CHCHD6: variants seen among roughly 807,000 people sequenced by gnomAD.
CHCHD6 encodes the protein MICOS complex subunit MIC25.
CHCHD6 carries 28 observed loss-of-function variants against 32.3 expected under a neutral mutation model. The ratio of observed to expected loss-of-function variants is 0.87; its 90% CI spans 0.64 to 1.19. The LOEUF is 1.19. CHCHD6 is among the 50% of genes most tolerant of loss of function. CHCHD6 has a pLI of 0.00. For missense variants in CHCHD6, 333 were observed against 307.0 expected (o/e 1.08, Z -0.63); for synonymous variants, 122 against 117.5 (o/e 1.04, Z -0.25).
intron 4 of CHCHD6, among the ~76,000 whole-genome samples, chr3:126,770,085 A>G (rs1373401870): frequency 6.6e-6 from 1 of 151,916 alleles, no homozygotes; most frequent in Non-Finnish European, 1.5e-5. Context: ...ATTCTAAGGT[A>G]TTTTATTCTT....
chr3:126,817,648 TCTCC>T (rs760434028), intron 4 of CHCHD6, among the ~76,000 whole-genome samples: 1 of 152,182 alleles, frequency 6.6e-6, no homozygotes, highest in East Asian at 1.9e-4. Flanking sequence ...TTGTTTTCAC[TCTCC>T]CTCTGCTGAA....
intron 5 of CHCHD6, among the ~76,000 whole-genome samples, chr3:126,891,013 G>A (rs760293534): frequency 8.5e-5 from 13 of 152,212 alleles, no homozygotes; most frequent in Non-Finnish European, 1.3e-4. Context: ...AGGGTGGATT[G>A]GGATGGGGTG....
chr3:126,777,141 ACC>A (rs1937685499), intron 4 of CHCHD6, among the ~76,000 whole-genome samples: 1 of 151,782 alleles, frequency 6.6e-6, no homozygotes, highest in Non-Finnish European at 1.5e-5. Flanking sequence ...CTCCCTTGAA[ACC>A]CATAGCATTT....
chr3:126,775,788 A>T (rs1267690314), intron 4 of CHCHD6, among the ~76,000 whole-genome samples: 1 of 152,156 alleles, frequency 6.6e-6, no homozygotes, highest in Admixed American at 6.5e-5. Context: ...TTTTGGAAAA[A>T]CTGCAGGCTC....
At chr3:126,791,390 C>G (rs1938533091) in intron 4 of CHCHD6, among the ~76,000 whole-genome samples, 1 of 152,250 alleles carries the variant, frequency 6.6e-6, no homozygotes, top group African/African-American at 2.4e-5. Flanking sequence ...TTTTCTGCTG[C>G]CTTTTGTTCG....
At chr3:126,876,070 TTGTC>T (rs1038704050) in intron 5 of CHCHD6, among the ~76,000 whole-genome samples, 2 of 152,230 alleles carry the variant, frequency 1.3e-5, no homozygotes, top group African/African-American at 2.4e-5. Flanking sequence ...GCCAGTGACT[TTGTC>T]TGGCCTAGAA....
intron 4 of CHCHD6, among the ~76,000 whole-genome samples, chr3:126,736,115 C>T (rs1576354244): frequency 6.6e-6 from 1 of 152,180 alleles, no homozygotes; most frequent in East Asian, 1.9e-4. Context: ...GGAGGTAAAA[C>T]TGTATTTTCA....
chr3:126,714,426 G>A (rs370164890), intron 1 of CHCHD6, among the ~76,000 whole-genome samples: 2 of 152,180 alleles, frequency 1.3e-5, no homozygotes, highest in Admixed American at 6.5e-5. Flanking sequence ...GTGAGCAGCC[G>A]GTGCATCTAA....
intron 6 of CHCHD6, among the ~76,000 whole-genome samples, chr3:126,931,483 T>G (rs1377215114): frequency 6.6e-6 from 1 of 152,146 alleles, no homozygotes; most frequent in African/African-American, 2.4e-5. Flanking sequence ...GTTATGGCCC[T>G]GTTTACACGG....
chr3:126,804,680 T>C (rs1237291948), intron 4 of CHCHD6, among the ~76,000 whole-genome samples: 1 of 152,156 alleles, frequency 6.6e-6, no homozygotes, highest in Non-Finnish European at 1.5e-5. Context: ...AAAGAGGGAA[T>C]TCTCCCTAAT....
chr3:126,784,327 A>G (rs1483905227), intron 4 of CHCHD6, among the ~76,000 whole-genome samples: 2 of 152,126 alleles, frequency 1.3e-5, no homozygotes, highest in African/African-American at 4.8e-5. Context: ...CTTTCAATGC[A>G]TTCTGAAAAC....
At chr3:126,916,545 A>G (rs1354663079) in intron 6 of CHCHD6, among the ~76,000 whole-genome samples, 1 of 152,192 alleles carries the variant, frequency 6.6e-6, no homozygotes, top group Admixed American at 6.5e-5. Flanking sequence ...TGCTGATGCT[A>G]GGACCCCACA....
chr3:126,739,450 C>G (rs1936196468), intron 4 of CHCHD6, among the ~76,000 whole-genome samples: 1 of 152,142 alleles, frequency 6.6e-6, no homozygotes, highest in Non-Finnish European at 1.5e-5. Flanking sequence ...GGCAAAAAAC[C>G]TCTCCTGGAC....
At chr3:126,863,284 A>G (rs1269921209) in intron 5 of CHCHD6, among the ~76,000 whole-genome samples, 1 of 113,826 alleles carries the variant, frequency 8.8e-6, no homozygotes, top group Non-Finnish European at 1.8e-5. Context: ...CTCCTCCACC[A>G]TCATCACCAC....
At chr3:126,798,705 G>A (rs750361626) in intron 4 of CHCHD6, among the ~76,000 whole-genome samples, 3 of 152,106 alleles carry the variant, frequency 2.0e-5, no homozygotes, top group Non-Finnish European at 2.9e-5. Context: ...GGACTCTTCT[G>A]GTCGGAGAGG....
At chr3:126,899,224 T>C (rs893926610) in intron 5 of CHCHD6, among the ~76,000 whole-genome samples, 2 of 152,236 alleles carry the variant, frequency 1.3e-5, no homozygotes, top group Non-Finnish European at 2.9e-5. Flanking sequence ...ATTACTTTAT[T>C]GGAAAAATGC....
chr3:126,786,240 G>C (rs1178378314), intron 4 of CHCHD6, among the ~76,000 whole-genome samples: 2 of 152,160 alleles, frequency 1.3e-5, no homozygotes, highest in Non-Finnish European at 2.9e-5. Context: ...TTGGACATTT[G>C]AGTTGGTTCC....
intron 4 of CHCHD6, among the ~76,000 whole-genome samples, chr3:126,773,497 G>T (rs1937580434): frequency 6.6e-6 from 1 of 151,354 alleles, no homozygotes; most frequent in Non-Finnish European, 1.5e-5. Context: ...TTTTCCTACT[G>T]TTCTCAAGTG....
chr3:126,766,610 G>T, intron 4 of CHCHD6: 3 of 1,127,068 alleles, frequency 2.7e-6, no homozygotes, highest in South Asian at 1.2e-5. Context: ...TGGTCCCTTA[G>T]CCCAGTTCCC....
Sources: gnomAD v4.1 joint callset for allele counts (sites outside exome capture counted in the v4.1 genomes callset) on GRCh38, gnomAD v4.1.1 for gene constraint, MANE v1.5 for transcripts, NCBI Gene and HGNC (gene_info 2026-07-23, HGNC 2026-07-21) for gene names.